The following RAD23B variants were observed in gnomAD, a reference collection of about 807,000 sequenced individuals.
The protein encoded by RAD23B is RAD23 nucleotide excision repair protein B, also known as lysine-specific demethylase RAD23B.
In RAD23B, 5 loss-of-function variants were observed where a neutral mutation model predicts 49.1. That is an observed-to-expected ratio of 0.10 (90% CI 0.05 to 0.21). RAD23B has a LOEUF of 0.21. Among genes scored for constraint, RAD23B ranks in the 10% least tolerant of loss-of-function variants. The pLI is 1.00. For missense variants in RAD23B, 356 were observed against 486.7 expected, an observed-to-expected ratio of 0.73 and a Z score of 2.53; for synonymous variants, 184 against 165.4, an observed-to-expected ratio of 1.11 and a Z score of -0.86.
chr9:107,330,336 T>C lies in RAD23B; in HGVS notation c.*680T>C, dbSNP rs983779362. On this transcript the variant is annotated 3_prime_UTR_variant, in exon 10 of 10. Transcript: ENST00000358015. This position sits in a 1 kb window ranked among gnomAD's most constrained non-coding sequence, Gnocchi z 4.4. ...CATGATTTGAGAAGCTGTACAAGTA[T>C]AGGCAGAGTTATTTTCCTGTTTACA... 3 of 152,640 alleles carry C rather than the reference T, an allele frequency of 2.0e-5. No homozygotes were observed. Among genetic ancestry groups the C allele is most frequent in the Non-Finnish European group, 4.4e-5 (3 of 68,026 alleles). The allele number at this position is 152,640 out of a possible 1,614,324, so 9.5% of individuals were successfully genotyped here. A position where few individuals can be genotyped will look rare whatever the true frequency, so the allele number is the denominator to read the frequency against.
At chr9:107,319,387 C>T (rs1383130806) in intron 6 of RAD23B, among the ~76,000 whole-genome samples, 1 of 152,090 alleles carries the variant, frequency 6.6e-6, no homozygotes. Context: ...GCCTCAGCCT[C>T]CCAAAGTGCT....
intron 9 of RAD23B, among the ~76,000 whole-genome samples, chr9:107,328,629 G>A (rs903507078): frequency 5.9e-5 from 9 of 152,142 alleles, no homozygotes; most frequent in African/African-American, 1.9e-4. Context: ...TACAGATGAA[G>A]CTTCACTTGT....
At chr9:107,320,419 A>C (rs1827083367) in intron 6 of RAD23B, among the ~76,000 whole-genome samples, 1 of 150,468 alleles carries the variant, frequency 6.6e-6, no homozygotes, top group Admixed American at 6.6e-5. Context: ...ATAGATGTGG[A>C]GTTTTGAGGT....
chr9:107,301,410 C>T (rs1261376539), intron 2 of RAD23B, among the ~76,000 whole-genome samples: 1 of 152,166 alleles, frequency 6.6e-6, no homozygotes, highest in Non-Finnish European at 1.5e-5. Context: ...ATGATCTCCT[C>T]CTTTTCAGGG....
intron 1 of RAD23B, among the ~76,000 whole-genome samples, chr9:107,294,127 T>A (rs1390639095): frequency 6.6e-6 from 1 of 152,240 alleles, no homozygotes; most frequent in Non-Finnish European, 1.5e-5. Flanking sequence ...ATGGTAAGTT[T>A]AGCTTTGTGG....
intron 3 of RAD23B, among the ~76,000 whole-genome samples, chr9:107,305,939 G>A (rs1826753212): frequency 6.6e-6 from 1 of 151,074 alleles, no homozygotes; most frequent in Non-Finnish European, 1.5e-5. Flanking sequence ...GCAAGACCCT[G>A]TCTTTAAAAT....
chr9:107,327,647 A>C (rs1007097569), intron 9 of RAD23B, among the ~76,000 whole-genome samples: 1 of 152,166 alleles, frequency 6.6e-6, no homozygotes, highest in Non-Finnish European at 1.5e-5. Flanking sequence ...TTTTCAACTT[A>C]TTGAGGTTCG....
intron 2 of RAD23B, among the ~76,000 whole-genome samples, chr9:107,300,475 G>GT (rs752129394): frequency 2.5e-4 from 37 of 149,354 alleles, no homozygotes; most frequent in Non-Finnish European, 3.0e-5. Flanking sequence ...ACTGGCTTTT[G>GT]TTTTTTTAAT....
At position 107,306,518 on chromosome 9, in the gene RAD23B, C is replaced by G; in HGVS notation, c.368C>G (p.Pro123Arg). ...PVPALAPTST[P>R]ASITPASATA... ...CCTGCCTTGGCCCCCACTTCCACAC[C>G]TGCATCCATCACTCCAGCATCAGCG... is the stretch of plus-strand genomic sequence containing the variant. The change falls in exon 4 of 10, where the codon CCT becomes CGT. Residue 123 changes from proline (P) to arginine (R), a missense_variant. Around this residue, in one of 5 missense-constraint regions of RAD23B, gnomAD observed 137 missense variants for 122.0 expected, o/e 1.12. Coordinates refer to ENST00000358015, the MANE Select transcript of RAD23B (RefSeq NM_002874.5). 6.2e-7 allele frequency: 1 copy of G among 1,614,174 alleles called. No individual in the cohort carries two copies. Among genetic ancestry groups the G allele is most frequent in the Non-Finnish European group, 8.5e-7 (1 of 1,180,030 alleles).
intron 5 of RAD23B, among the ~76,000 whole-genome samples, chr9:107,315,306 G>T (rs1345736274): frequency 6.6e-6 from 1 of 151,964 alleles, no homozygotes; most frequent in Non-Finnish European, 1.5e-5. Context: ...TTTATTTCTG[G>T]GTTCTCTATT....
At chr9:107,306,792 C>T (rs150322420) in intron 4 of RAD23B, 145 bp downstream of exon 4, 19 of 904,812 alleles carry the variant, frequency 2.1e-5, no homozygotes, top group African/African-American at 1.0e-4. Context: ...ACATATGCTG[C>T]GTCTGTTTTG....
intron 8 of RAD23B, 50 bp from the exon 9 acceptor site, chr9:107,324,784 G>T: frequency 6.8e-7 from 1 of 1,472,360 alleles, no homozygotes; most frequent in Non-Finnish European, 9.1e-7. Context: ...TGTTCCTGCA[G>T]ATACTTAATA....
At chr9:107,285,590 G>A (rs1587843794) in intron 1 of RAD23B, among the ~76,000 whole-genome samples, 1 of 152,166 alleles carries the variant, frequency 6.6e-6, no homozygotes, top group East Asian at 1.9e-4. Flanking sequence ...ACCTGTGTTT[G>A]TGTGAATTCT....
intron 1 of RAD23B, among the ~76,000 whole-genome samples, chr9:107,297,719 T>G (rs1826558415): frequency 6.6e-6 from 1 of 150,860 alleles, no homozygotes; most frequent in South Asian, 2.1e-4. Context: ...TTTTTTTTTT[T>G]TGGTCCAGCT....
chr9:107,286,501 A>G (rs72736197), intron 1 of RAD23B, among the ~76,000 whole-genome samples: 8,993 of 152,300 alleles, frequency 0.059, 382 homozygotes, highest in South Asian at 0.12. Context: ...TATTACTGTG[A>G]TACATTACAT....
chr9:107,306,785 T>TA lies in RAD23B; in HGVS notation c.497+139dup, dbSNP rs532062509. The TA allele has an allele frequency of 4.4e-4, 413 of 940,478 alleles. 1 individual carries two copies. In the African/African-American group the frequency reaches 5.2e-3, roughly 12 times the overall value. The allele number at this position is 940,478 out of a possible 1,614,324, so 58.3% of individuals were successfully genotyped here. ...TTTTTTTAAATGTTTGACTAAAACA[T>TA]ATGCTGCGTCTGTTTTGATAGCTTA... On this transcript the variant is annotated intron_variant, in intron 4 of 9. Transcript: ENST00000358015.
At chr9:107,308,898 T>C (rs1826834987) in intron 4 of RAD23B, among the ~76,000 whole-genome samples, 1 of 152,196 alleles carries the variant, frequency 6.6e-6, no homozygotes, top group African/African-American at 2.4e-5. Flanking sequence ...GGAGTGACTT[T>C]GTGGGAAGTC....
Position 107,329,698 on chromosome 9 carries a change from C to G in RAD23B, c.*42C>G. On this transcript the variant is annotated 3_prime_UTR_variant, in exon 10 of 10. Coordinates refer to ENST00000358015, the MANE Select transcript of RAD23B (RefSeq NM_002874.5). Reference sequence around the variant, plus strand: ...TCTCACACTTCACACCAGTGCATTACACTAACTTGTTCACTGGATTGTCTG... The same window carrying G: ...TCTCACACTTCACACCAGTGCATTAGACTAACTTGTTCACTGGATTGTCTG... 1 of 1,227,264 alleles carries G rather than the reference C, an allele frequency of 8.1e-7. No homozygotes were observed. Among genetic ancestry groups the G allele is most frequent in the Non-Finnish European group, 1.2e-6 (1 of 865,434 alleles). 76.0% of individuals were successfully genotyped at this position (1,227,264 alleles called of 1,614,324 possible).
chr9:107,329,372 A>T (rs1048255575), intron 9 of RAD23B, among the ~76,000 whole-genome samples, 171 bp from the exon 10 acceptor site: 1 of 152,238 alleles, frequency 6.6e-6, no homozygotes, highest in Non-Finnish European at 1.5e-5. Context: ...CAGTAAATCC[A>T]TATTGATAGA....
Sources: gnomAD v4.1 joint callset for allele counts (sites outside exome capture counted in the v4.1 genomes callset) on GRCh38, gnomAD v4.1.1 for gene constraint, gnomAD v4.1.1 regional missense constraint, Gnocchi (gnomAD v3.1) non-coding constraint, MANE v1.5 for transcripts, NCBI Gene and HGNC (gene_info 2026-07-23, HGNC 2026-07-21) for gene names.